The following DOCK8 variants were observed in gnomAD, a reference collection of about 807,000 sequenced individuals.
The protein encoded by DOCK8 is dedicator of cytokinesis 8, also known as dedicator of cytokinesis protein 8.
A neutral mutation model predicts 245.6 loss-of-function variants in DOCK8; 141 were observed. The ratio of observed to expected loss-of-function variants is 0.57; its 90% confidence interval spans 0.50 to 0.66. The LOEUF (loss-of-function observed/expected upper bound fraction) is 0.66, where lower values mean the gene tolerates loss of function less well. Among genes scored for constraint, DOCK8 ranks in the 30% least tolerant of loss-of-function variants. The pLI is 0.00. For synonymous variants in DOCK8, 1,168 were observed against 970.2 expected (o/e 1.20, Z -3.79); for missense variants, 2,965 against 2,603.4 (o/e 1.14, Z -3.02).
At chr9:327,628 C>T (rs1176787189) in intron 8 of DOCK8, among the ~76,000 whole-genome samples, 2 of 152,130 alleles carry the variant, frequency 1.3e-5, no homozygotes, top group East Asian at 3.9e-4. Flanking sequence ...AACTCGTGAG[C>T]TCAAGCAATG....
At chr9:400,034 C>CCAGCACCTCCACCAT (rs1308908218) in intron 26 of DOCK8, among the ~76,000 whole-genome samples, 6 of 91,930 alleles carry the variant, frequency 6.5e-5, no homozygotes, top group Admixed American at 2.1e-4. Context: ...TCCACCATCA[C>CCAGCACCTCCACCAT]CACCACCACC....
chr9:285,435 G>C (rs967633473), intron 2 of DOCK8, among the ~76,000 whole-genome samples: 1 of 152,128 alleles, frequency 6.6e-6, no homozygotes, highest in South Asian at 2.1e-4. Context: ...GTCCACTGGA[G>C]GGTAGAGATA....
intron 33 of DOCK8, 149 bp from the exon 34 acceptor site, chr9:426,736 C>T: frequency 1.4e-6 from 1 of 700,322 alleles, no homozygotes; most frequent in Non-Finnish European, 2.6e-6. Context: ...AAGGCACCTG[C>T]ACTGTAGTTA....
chr9:441,773 T>G (rs1360768312), intron 41 of DOCK8, 102 bp from the exon 42 acceptor site: 1 of 1,461,630 alleles, frequency 6.8e-7, no homozygotes, highest in Admixed American at 1.8e-5. Context: ...GCCATAGGAG[T>G]AAAATGCTTT....
intron 4 of DOCK8, among the ~76,000 whole-genome samples, chr9:296,918 C>A (rs149717711): frequency 6.6e-6 from 1 of 152,134 alleles, no homozygotes; most frequent in Admixed American, 6.5e-5. Context: ...CTTGGATGCC[C>A]TCCTCACACC....
chr9:395,077 G>A (rs2054383249), intron 24 of DOCK8, among the ~76,000 whole-genome samples: 1 of 152,200 alleles, frequency 6.6e-6, no homozygotes, highest in Non-Finnish European at 1.5e-5. Context: ...TTTGTTAGGA[G>A]CATAGTGAGA....
intron 43 of DOCK8, among the ~76,000 whole-genome samples, chr9:444,508 A>G (rs1002406668): frequency 2.0e-5 from 3 of 152,088 alleles, no homozygotes; most frequent in Admixed American, 2.0e-4. Flanking sequence ...TTCCTGGCTC[A>G]TCAGTGTGTT....
intron 1 of DOCK8, among the ~76,000 whole-genome samples, chr9:236,637 C>T (rs1031996010): frequency 1.3e-5 from 2 of 152,170 alleles, no homozygotes; most frequent in Non-Finnish European, 2.9e-5. Context: ...ATTGAGGCTT[C>T]TAGGTCCAGT....
At chr9:258,853 C>T (rs1418972908) in intron 1 of DOCK8, among the ~76,000 whole-genome samples, 3 of 152,046 alleles carry the variant, frequency 2.0e-5, no homozygotes, top group Admixed American at 2.0e-4. Flanking sequence ...CCGCCTTGGC[C>T]TCCCAAAGTG....
intron 4 of DOCK8, among the ~76,000 whole-genome samples, chr9:294,717 A>G (rs2049181941): frequency 2.6e-5 from 4 of 152,248 alleles, no homozygotes; most frequent in Admixed American, 2.0e-4. Flanking sequence ...AAAAACTGGA[A>G]GAAAACCCAG....
In DOCK8 at chr9:420,881, T is replaced by C. The variant is rs550637041; in HGVS notation, c.4024-68T>C. The C allele has an allele frequency of 8.1e-6, 13 of 1,600,262 alleles. No homozygotes were observed. The South Asian group carries it at 1.4e-4, about 18-fold the overall frequency. ...CTGGCATCACTGTGGAGTGTACTGT[T>C]TTGGTAACTCTCCCCATCAACGGAG... On this transcript the variant is annotated intron_variant, in intron 31 of 47. Transcript: ENST00000432829.
rs1039947292 is a variant in DOCK8, at chr9:400,016, C to T, written c.3234+757C>T. 9.1e-4 allele frequency among the ~76,000 whole-genome samples: 94 copies of T among 103,358 alleles called. 1 individual carries two copies. The highest frequency in any genetic ancestry group is 2.3e-3 in the East Asian group (6 of 2,554). The allele number at this position is 103,358 out of a possible 152,430, so 67.8% of individuals were successfully genotyped here. A position where few individuals can be genotyped will look rare whatever the true frequency, so the allele number is the denominator to read the frequency against. ...ACCACCTCCACCACCTCCACCATCA[C>T]CACCACCTCCACCATCACCACCACC... is the stretch of plus-strand genomic sequence containing the variant. On this transcript the variant is annotated intron_variant, in intron 26 of 47. Coordinates refer to ENST00000432829, the MANE Select transcript of DOCK8 (RefSeq NM_203447.4).
At chr9:331,343 G>A (rs991829582) in intron 9 of DOCK8, among the ~76,000 whole-genome samples, 32 of 152,142 alleles carry the variant, frequency 2.1e-4, no homozygotes, top group African/African-American at 7.5e-4. Context: ...AATGGGAGGG[G>A]GTTTTGAACT....
intron 14 of DOCK8, among the ~76,000 whole-genome samples, chr9:357,401 A>C (rs754102748): frequency 1.3e-5 from 2 of 152,170 alleles, no homozygotes; most frequent in Non-Finnish European, 2.9e-5. Flanking sequence ...ACTGAAAGAA[A>C]TCTTTAAAAG....
At chr9:403,779 C>G (rs1383119883) in intron 26 of DOCK8, among the ~76,000 whole-genome samples, 1 of 150,788 alleles carries the variant, frequency 6.6e-6, no homozygotes, top group East Asian at 2.0e-4. Context: ...GCAAGAGAAT[C>G]GCTTGAACCT....
intron 1 of DOCK8, among the ~76,000 whole-genome samples, chr9:234,061 T>A (rs1184511081): frequency 2.6e-5 from 4 of 152,192 alleles, no homozygotes; most frequent in African/African-American, 4.8e-5. Flanking sequence ...TGTTTGGTGC[T>A]TCCTTCAGGA....
At position 307,532 on chromosome 9, in the gene DOCK8, A is replaced by G. The variant is rs537870358; in HGVS notation, c.528+2828A>G. 9.2e-5 allele frequency among the ~76,000 whole-genome samples: 14 copies of G among 151,622 alleles called. No individual in the cohort carries two copies. In the South Asian group the frequency reaches 2.9e-3, roughly 32 times the overall value. ...CGCCACCACGCCTGGCCAATTGTGT[A>G]TTTTTAGTAGAGACAGGGTTTCTCC... On this transcript the variant is annotated intron_variant, in intron 5 of 47. Coordinates refer to ENST00000432829, the MANE Select transcript of DOCK8 (RefSeq NM_203447.4).
chr9:426,836 C>A, intron 33 of DOCK8, 49 bp from the exon 34 acceptor site: 1 of 1,505,188 alleles, frequency 6.6e-7, no homozygotes, highest in Non-Finnish European at 9.2e-7. Context: ...TCATGGGAAC[C>A]TGGCCAGGTT....
intron 25 of DOCK8, among the ~76,000 whole-genome samples, chr9:397,535 G>A (rs1222495085): frequency 6.7e-6 from 1 of 149,782 alleles, no homozygotes; most frequent in East Asian, 1.9e-4. Flanking sequence ...CTAAAAATAT[G>A]GAAAATTAGC....
Sources: gnomAD v4.1 joint callset for allele counts (sites outside exome capture counted in the v4.1 genomes callset) on GRCh38, gnomAD v4.1.1 for gene constraint, MANE v1.5 for transcripts, NCBI Gene and HGNC (gene_info 2026-07-23, HGNC 2026-07-21) for gene names.